The following COPG1 variants were observed in gnomAD, a reference collection of about 807,000 sequenced individuals.
The protein encoded by COPG1 is coatomer subunit gamma-1.
Under a neutral mutation model 102.8 loss-of-function variants are expected in COPG1, and 29 were observed. The ratio of observed to expected loss-of-function variants is 0.28; its 90% CI spans 0.21 to 0.38. COPG1 has a LOEUF of 0.38. Among genes scored for constraint, COPG1 ranks in the 10% least tolerant of loss-of-function variants. The pLI is 1.00. For missense variants in COPG1, 875 were observed against 1,132.7 expected, an observed-to-expected ratio of 0.77 and a Z score of 3.27; for synonymous variants, 406 against 421.6, an observed-to-expected ratio of 0.96 and a Z score of 0.45.
In COPG1 at chr3:129,266,685, C is replaced by T. The variant is rs539404957; in HGVS notation, c.1469-339C>T. Among the ~76,000 whole-genome samples the T allele has an allele frequency of 1.2e-4, 19 of 152,244 alleles. No homozygotes were observed. The East Asian group carries it at 3.5e-3, about 28-fold the overall frequency. On this transcript the variant is annotated intron_variant, in intron 14 of 23. Transcript: ENST00000314797. ...ATTCTGAGCCTTAACTGCAAATTGACGCCATTTGGATATGGAAGGTGAGGA... is the reference window on the plus strand; with the variant it reads ...ATTCTGAGCCTTAACTGCAAATTGATGCCATTTGGATATGGAAGGTGAGGA...
chr3:129,260,954 G>A (rs60034454), intron 12 of COPG1, 147 bp downstream of exon 12: 3 of 756,010 alleles, frequency 4.0e-6, no homozygotes, highest in Non-Finnish European at 6.3e-6. Context: ...GCTCTGCAGA[G>A]ACTTGGCCTT....
In COPG1 at chr3:129,272,846, A is replaced by C; in HGVS notation, c.2198A>C (p.Lys733Thr). ...AGCTGCATGATGAAGTTCACTGTCA[A>C]GGACTGTGATCCCACCACTGGGGAG... ...TFSCMMKFTVKDCDPTTGETD... is the reference protein window; with the variant it reads ...TFSCMMKFTVTDCDPTTGETD... The change falls in exon 21 of 24, where the codon AAG (lysine) becomes ACG (threonine). Residue 733 changes from lysine (K) to threonine (T), a missense_variant. By Grantham distance (78) the Lys-to-Thr change is moderately conservative. Transcript: ENST00000314797. 3 of 1,613,416 alleles carry C rather than the reference A, an allele frequency of 1.9e-6. No individual in the cohort carries two copies. Among genetic ancestry groups the C allele is most frequent in the Non-Finnish European group, 2.5e-6 (3 of 1,179,464 alleles).
intron 20 of COPG1, 110 bp from the exon 21 acceptor site, chr3:129,272,697 G>T: frequency 1.5e-6 from 1 of 667,100 alleles, no homozygotes; most frequent in East Asian, 2.7e-5. Context: ...TAATAACATA[G>T]CAGGGGCCTA....
chr3:129,266,869 C>T (rs189818527), intron 14 of COPG1, among the ~76,000 whole-genome samples, 155 bp from the exon 15 acceptor site: 1 of 152,266 alleles, frequency 6.6e-6, no homozygotes, highest in African/African-American at 2.4e-5. Flanking sequence ...CACCCAAAGC[C>T]ACTCACTCTG....
Position 129,271,873 on chromosome 3 carries a change from C to T in COPG1, c.1950C>T (p.Cys650=), listed in dbSNP as rs757305595. 1 of 1,614,176 alleles carries T rather than the reference C, an allele frequency of 6.2e-7. No homozygotes were observed. The highest frequency in any genetic ancestry group is 1.7e-5 in the Admixed American group (1 of 60,020). The change falls in exon 19 of 24, where the codon TGC becomes TGT. Residue 650 remains cysteine, a synonymous_variant. Coordinates refer to ENST00000314797, the MANE Select transcript of COPG1 (RefSeq NM_016128.4). This position sits in a 1 kb window ranked among gnomAD's most constrained non-coding sequence, Gnocchi z 4.7. ...TESETEYVIR[C]TKHTFTNHMV... ...CAGAGACGGAGTATGTCATCCGCTG[C>T]ACCAAACACACCTTCACCAACCACA...
chr3:129,254,498 T>C (rs181612246), intron 5 of COPG1, 170 bp from the exon 6 acceptor site: 3 of 560,984 alleles, frequency 5.3e-6, no homozygotes, highest in Non-Finnish European at 3.2e-6. Context: ...TTGAGTCTTA[T>C]GAAACTCCCT....
Position 129,260,818 on chromosome 3 carries a change from C to T in COPG1, c.1128+11C>T, listed in dbSNP as rs750965206. On this transcript the variant is annotated intron_variant, in intron 12 of 23. Transcript: ENST00000314797. ...TCGGATGAATTCAAGGTACCTGCTA[C>T]CCCCAGGACACCCACGGCCCCCAGA... 7.5e-6 allele frequency: 12 copies of T among 1,609,228 alleles called. No individual in the cohort carries two copies. In the Admixed American group the frequency reaches 8.3e-5, roughly 11 times the overall value.
intron 1 of COPG1, among the ~76,000 whole-genome samples, chr3:129,250,279 C>T (rs1004686859): frequency 1.3e-5 from 2 of 152,150 alleles, no homozygotes; most frequent in African/African-American, 4.8e-5. Context: ...GTTGCACCCA[C>T]GATGGAGGAG....
chr3:129,266,019 T>C (rs1455447971), intron 14 of COPG1, among the ~76,000 whole-genome samples: 1 of 152,056 alleles, frequency 6.6e-6, no homozygotes, highest in Non-Finnish European at 1.5e-5. Context: ...GTCACCAGGC[T>C]GGAATGCAGT....
chr3:129,250,437 A>T (rs544292253), intron 1 of COPG1, among the ~76,000 whole-genome samples: 1 of 152,362 alleles, frequency 6.6e-6, no homozygotes, highest in Admixed American at 6.5e-5. Context: ...ACATGGCACC[A>T]TGAGAAGCAC....
chr3:129,267,173 T>G, intron 15 of COPG1, 74 bp downstream of exon 15: 1 of 1,126,676 alleles, frequency 8.9e-7, no homozygotes, highest in Non-Finnish European at 1.3e-6. Flanking sequence ...TGTCTTTATT[T>G]TTTTTTAACT....
At chr3:129,268,817 T>TC (rs1576968609) in intron 17 of COPG1, 115 bp from the exon 18 acceptor site, 1 of 1,159,904 alleles carries the variant, frequency 8.6e-7, no homozygotes, top group Admixed American at 1.7e-5. Context: ...GTCTTCTGCT[T>TC]CCCACTCTCA....
At position 129,271,678 on chromosome 3, in the gene COPG1, T is replaced by C; in HGVS notation, c.1844-89T>C. The C allele has an allele frequency of 2.0e-6, 3 of 1,530,652 alleles. No individual in the cohort carries two copies. The highest frequency in any genetic ancestry group is 2.7e-6 in the Non-Finnish European group (3 of 1,119,832). The allele number at this position is 1,530,652 out of a possible 1,614,324, so 94.8% of individuals were successfully genotyped here. ...TCCATCTAAGGTAGGGTGGAACACCTTGAGAATGGTCATGGGAATTTATTA... is the reference window on the plus strand; with the variant it reads ...TCCATCTAAGGTAGGGTGGAACACCCTGAGAATGGTCATGGGAATTTATTA... On this transcript the variant is annotated intron_variant, in intron 18 of 23. Coordinates refer to ENST00000314797, the MANE Select transcript of COPG1 (RefSeq NM_016128.4). This position sits in a 1 kb window ranked among gnomAD's most constrained non-coding sequence, Gnocchi z 4.7.
intron 14 of COPG1, among the ~76,000 whole-genome samples, chr3:129,266,032 C>T (rs867871568): frequency 5.3e-5 from 8 of 151,466 alleles, no homozygotes; most frequent in African/African-American, 1.2e-4. Context: ...AATGCAGTGG[C>T]GCAATCTCAG....
intron 2 of COPG1, 66 bp from the exon 3 acceptor site, chr3:129,252,215 C>A: frequency 8.8e-7 from 1 of 1,133,610 alleles, no homozygotes; most frequent in Non-Finnish European, 1.3e-6. Flanking sequence ...ACTTCTCAGA[C>A]ATTGAATATA....
chr3:129,257,433 A>T, intron 8 of COPG1, 37 bp from the exon 9 acceptor site: 2 of 1,609,108 alleles, frequency 1.2e-6, no homozygotes, highest in Non-Finnish European at 8.5e-7. Flanking sequence ...CCCAAAAGTC[A>T]TACATTTGTA....
chr3:129,265,958 C>T (rs1940049405), intron 14 of COPG1, among the ~76,000 whole-genome samples, 166 bp downstream of exon 14: 1 of 151,604 alleles, frequency 6.6e-6, no homozygotes, highest in Admixed American at 6.6e-5. Context: ...TCTAGTTGAA[C>T]AGTTCTTTGT....
Position 129,271,835 on chromosome 3 carries a change from G to T in COPG1, c.1912G>T (p.Ala638Ser). The T allele has an allele frequency of 6.2e-7, 1 of 1,614,172 alleles. No individual in the cohort carries two copies. Among genetic ancestry groups the T allele is most frequent in the Non-Finnish European group, 8.5e-7 (1 of 1,180,022 alleles). ...CTTCAAGTCCTCGCCTGAGCCCGTG[G>T]CCCTCACCGAGTCAGAGACGGAGTA... ...PLFKSSPEPVALTESETEYVI... is the reference protein window; with the variant it reads ...PLFKSSPEPVSLTESETEYVI... The change falls in exon 19 of 24, where the codon GCC (alanine) becomes TCC (serine). Residue 638 changes from alanine to serine, a missense_variant. Physicochemically the swap from Ala to Ser is moderately conservative, Grantham distance 99. Coordinates refer to ENST00000314797, the MANE Select transcript of COPG1 (RefSeq NM_016128.4). The surrounding 1 kb of genome is among the most constrained non-coding windows in gnomAD (Gnocchi z 4.7).
chr3:129,252,833 T>C (rs1560061785), intron 4 of COPG1, 43 bp from the exon 5 acceptor site: 1 of 1,600,472 alleles, frequency 6.2e-7, no homozygotes, highest in Non-Finnish European at 8.6e-7. Flanking sequence ...CTCTGGCCCT[T>C]GGTGAGCCCG....
Sources: allele counts gnomAD v4.1 joint callset (sites outside exome capture counted in the v4.1 genomes callset), GRCh38; gene constraint gnomAD v4.1.1; non-coding constraint Gnocchi (gnomAD v3.1); transcripts MANE v1.5; gene names NCBI Gene and HGNC (gene_info 2026-07-23, HGNC 2026-07-21).